DOP1B: variants seen among roughly 807,000 people sequenced by gnomAD.
DOP1B encodes DOP1 leucine zipper like protein B, also known as protein DOP1B.
In DOP1B, 174 loss-of-function variants were observed where a neutral mutation model predicts 233.5. That is an observed-to-expected ratio of 0.75 (90% CI 0.66 to 0.85). The LOEUF is 0.85. Among genes scored for constraint, DOP1B ranks in the 40% least tolerant of loss-of-function variants. The pLI is 0.00. For synonymous variants in DOP1B, 1,190 were observed against 1,185.6 expected (o/e 1.00, Z -0.08); for missense variants, 2,652 against 2,846.6 (o/e 0.93, Z 1.56).
At chr21:36,195,340 C>CAA (rs60003046) in intron 2 of DOP1B, among the ~76,000 whole-genome samples, 198 of 83,956 alleles carry the variant, frequency 2.4e-3, no homozygotes, top group East Asian at 4.9e-3. Flanking sequence ...GACTCTGGCT[C>CAA]AAAAAAAAAA....
chr21:36,227,163 A>G (rs889707314), intron 12 of DOP1B, among the ~76,000 whole-genome samples: 56 of 147,074 alleles, frequency 3.8e-4, no homozygotes, highest in East Asian at 2.1e-3. Flanking sequence ...AGCCGAGATC[A>G]CACCACTGCA....
chr21:36,265,391 C>T (rs1048274730), intron 26 of DOP1B, among the ~76,000 whole-genome samples: 4 of 150,546 alleles, frequency 2.7e-5, no homozygotes, highest in Admixed American at 2.6e-4. Flanking sequence ...CGTGAAACTT[C>T]GTCTCAAAAA....
At position 36,248,588 on chromosome 21, in the gene DOP1B, G is replaced by C. The variant is rs778333176; in HGVS notation, c.4998+20G>C. The stretch of plus-strand genomic sequence containing the variant: ...ACCAAAGTAAGAGGATGTCTCTGTA[G>C]TTCTGTCATTTACTTGGTCTTGTAT... On this transcript the variant is annotated intron_variant, in intron 21 of 36. Coordinates refer to ENST00000691173, the MANE Select transcript of DOP1B (RefSeq NM_001320714.2). 2 of 1,589,232 alleles carry C rather than the reference G, an allele frequency of 1.3e-6. No individual in the cohort carries two copies. Among genetic ancestry groups the C allele is most frequent in the Non-Finnish European group, 1.7e-6 (2 of 1,168,466 alleles).
chr21:36,224,705 C>A (rs1005165014), intron 11 of DOP1B, among the ~76,000 whole-genome samples: 4 of 150,274 alleles, frequency 2.7e-5, no homozygotes, highest in Non-Finnish European at 5.9e-5. Flanking sequence ...TACTTTTTAA[C>A]TTACCCATTT....
At position 36,245,574 on chromosome 21, in the gene DOP1B, G is replaced by A. The variant is rs747344855; in HGVS notation, c.3594G>A (p.Ala1198=). ...ASESFSSDEE[A]DLELQALTTS... ...AGTCGTTCTCCAGCGACGAGGAGGC[G>A]GACTTGGAGCTCCAGGCCCTCACCA... is the stretch of plus-strand genomic sequence containing the variant. Residue 1198 remains alanine (A), a synonymous_variant, in exon 19 of 37, where the codon GCG becomes GCA. Transcript: ENST00000691173. The surrounding 1 kb of genome is among the most constrained non-coding windows in gnomAD (Gnocchi z 5.5). 21 of 1,613,298 alleles carry A rather than the reference G, an allele frequency of 1.3e-5. No individual in the cohort carries two copies. Among genetic ancestry groups the A allele is most frequent in the African/African-American group, 4.0e-5 (3 of 74,924 alleles).
intron 1 of DOP1B, among the ~76,000 whole-genome samples, chr21:36,159,704 G>A (rs2065853481): frequency 6.6e-6 from 1 of 152,190 alleles, no homozygotes; most frequent in Non-Finnish European, 1.5e-5. Context: ...ATGAGCAGTG[G>A]CGTCCCTTGC....
intron 18 of DOP1B, among the ~76,000 whole-genome samples, 192 bp from the exon 19 acceptor site, chr21:36,244,856 C>G (rs1239858574): frequency 6.6e-6 from 1 of 152,236 alleles, no homozygotes; most frequent in African/African-American, 2.4e-5. Context: ...CTTGAACATT[C>G]TGTAAAACCT....
intron 21 of DOP1B, among the ~76,000 whole-genome samples, chr21:36,250,561 G>A (rs1340872089): frequency 6.6e-6 from 1 of 152,110 alleles, no homozygotes; most frequent in East Asian, 1.9e-4. Context: ...CTGAGAGAGC[G>A]GTAGGATTTA....
In DOP1B at chr21:36,278,068, T is replaced by C. The variant is rs773724457; in HGVS notation, c.5806T>C (p.Tyr1936His). The change falls in exon 29 of 37, where the codon TAC (tyrosine) becomes CAC (histidine). Residue 1936 changes from tyrosine (Y) to histidine (H), a missense_variant. Coordinates refer to ENST00000691173, the MANE Select transcript of DOP1B (RefSeq NM_001320714.2). The stretch of plus-strand genomic sequence containing the variant: ...CCGTCTGCTTTACTATGTTTTTCCA[T>C]ACTTACGCAACCACAGGTAACGTCA... ...ISRLLYYVFP[Y>H]LRNHSAYNAP... The C allele has an allele frequency of 6.2e-7, 1 of 1,614,060 alleles. No homozygotes were observed. The highest frequency in any genetic ancestry group is 1.3e-5 in the African/African-American group (1 of 74,924).
chr21:36,204,097 A>C (rs767257753), intron 4 of DOP1B, among the ~76,000 whole-genome samples: 1 of 152,106 alleles, frequency 6.6e-6, no homozygotes, highest in African/African-American at 2.4e-5. Context: ...CTCAGGGTAC[A>C]TTTGACAATA....
chr21:36,288,796 A>T lies in DOP1B; in HGVS notation c.6338A>T (p.Glu2113Val), dbSNP rs745369940. Residue 2113 changes from glutamate to valine, a missense_variant, in exon 34 of 37, where the codon GAA becomes GTA. Physicochemically the swap from Glu to Val is moderately radical, Grantham distance 121. This residue lies in a region of DOP1B where 2,617 missense variants were observed against 2,794.3 expected (regional missense o/e 0.94). Transcript: ENST00000691173. ...FTQLEEDLKDEDESLRSTNKV... is the reference protein window; with the variant it reads ...FTQLEEDLKDVDESLRSTNKV... ...CAGCTTGAAGAAGATCTAAAAGATG[A>T]AGATGAGTCATTGAGGTAAGCAGTA... 6.2e-7 allele frequency: 1 copy of T among 1,613,468 alleles called. No individual in the cohort carries two copies. Among genetic ancestry groups the T allele is most frequent in the Non-Finnish European group, 8.5e-7 (1 of 1,179,500 alleles).
chr21:36,223,282 G>A lies in DOP1B; in HGVS notation c.1302G>A (p.Leu434=). The change falls in exon 11 of 37, where the codon TTG becomes TTA. Residue 434 remains leucine, a synonymous_variant. Transcript: ENST00000691173. ...NASEIVKTVN[L]LITSLSTDFL... is the part of the protein sequence containing the mutation. ...CTGAGATTGTCAAAACGGTAAATTT[G>A]CTGATAACTTCTCTAAGCACAGACT... The A allele has an allele frequency of 6.2e-7, 1 of 1,609,672 alleles. No homozygotes were observed. Among genetic ancestry groups the A allele is most frequent in the Admixed American group, 1.7e-5 (1 of 58,618 alleles).
intron 24 of DOP1B, among the ~76,000 whole-genome samples, chr21:36,262,578 T>G (rs953872653): frequency 1.3e-5 from 2 of 152,064 alleles, no homozygotes; most frequent in East Asian, 3.9e-4. Context: ...GGAAGCAGAA[T>G]ATTAGCACTA....
chr21:36,179,726 C>T (rs539503781), intron 2 of DOP1B, among the ~76,000 whole-genome samples: 13 of 152,282 alleles, frequency 8.5e-5, no homozygotes, highest in African/African-American at 2.9e-4. Context: ...ATATAGCCCA[C>T]TCAATCTTGT....
intron 2 of DOP1B, among the ~76,000 whole-genome samples, chr21:36,194,487 CTTTTTT>C (rs369495001): frequency 1.2e-5 from 1 of 81,310 alleles, no homozygotes; most frequent in Non-Finnish European, 2.2e-5. Flanking sequence ...CTCTCTCTCT[CTTTTTT>C]TTTTTTTTTT....
rs774580935 is a variant in DOP1B at position 36,214,529 on chromosome 21, A to G, written c.1102A>G (p.Ile368Val). The stretch of plus-strand genomic sequence containing the variant: ...ATACCTGAAGCCTTTTCGCGTCCTC[A>G]TCAGTCTGCTTGACAAGCCAGAAAT... ...HAYLKPFRVLISLLDKPEIGP... is the reference protein window; with the variant it reads ...HAYLKPFRVLVSLLDKPEIGP... Residue 368 changes from isoleucine (I) to valine (V), a missense_variant, in exon 9 of 37, where the codon ATC becomes GTC. By Grantham distance (29) the Ile-to-Val change is conservative. This residue lies in a region of DOP1B where 2,617 missense variants were observed against 2,794.3 expected (regional missense o/e 0.94). Transcript: ENST00000691173. 6.2e-7 allele frequency: 1 copy of G among 1,614,014 alleles called. No homozygotes were observed.
intron 2 of DOP1B, among the ~76,000 whole-genome samples, chr21:36,179,205 A>G (rs2066066652): frequency 6.6e-6 from 1 of 152,156 alleles, no homozygotes; most frequent in African/African-American, 2.4e-5. Flanking sequence ...TTCTTTATCC[A>G]TTTCCCATTA....
intron 4 of DOP1B, among the ~76,000 whole-genome samples, chr21:36,200,800 A>G (rs912307042): frequency 6.6e-6 from 1 of 151,248 alleles, no homozygotes; most frequent in Non-Finnish European, 1.5e-5. Flanking sequence ...CCGAGATCGC[A>G]CCACTGCACT....
intron 15 of DOP1B, among the ~76,000 whole-genome samples, chr21:36,235,775 A>C (rs998937949): frequency 2.0e-5 from 3 of 148,056 alleles, no homozygotes; most frequent in East Asian, 2.0e-4. Flanking sequence ...ATCGGCATCA[A>C]CTCTCAAAAA....
Sources: allele counts gnomAD v4.1 joint callset (sites outside exome capture counted in the v4.1 genomes callset), GRCh38; gene constraint gnomAD v4.1.1; regional missense constraint gnomAD v4.1.1; non-coding constraint Gnocchi (gnomAD v3.1); transcripts MANE v1.5; gene names NCBI Gene and HGNC (gene_info 2026-07-23, HGNC 2026-07-21).